Variants in PPOX observed in about 807,000 individuals in gnomAD.
PPOX encodes the protein protoporphyrinogen oxidase, also known as variegate porphyria.
PPOX carries 23 observed loss-of-function variants against 54.1 expected under a neutral mutation model. The observed-to-expected ratio is 0.43, with a 90% CI of 0.31 to 0.60. The LOEUF (loss-of-function observed/expected upper bound fraction) is 0.60. Ranked by LOEUF, PPOX falls within the 20% of genes least tolerant of loss-of-function variation. The pLI, the probability that PPOX is intolerant of heterozygous loss-of-function variation, is 0.13. For missense variants in PPOX, 512 were observed against 601.1 expected, an observed-to-expected ratio of 0.85 and a Z score of 1.55; for synonymous variants, 224 against 236.1, an observed-to-expected ratio of 0.95 and a Z score of 0.47.
chr1:161,173,251 G>C (rs768745553), downstream of PPOX, among the ~76,000 whole-genome samples: 5 of 152,216 alleles, frequency 3.3e-5, no homozygotes, highest in Non-Finnish European at 7.3e-5. Context: ...TGGGAACATG[G>C]AGCAGAGCCC....
At chr1:161,175,344 G>T, downstream of PPOX, 1 of 903,180 alleles carries the variant, frequency 1.1e-6, no homozygotes, top group Non-Finnish European at 1.7e-6. Flanking sequence ...AGTTCTCAGG[G>T]CTCACTCAGA....
chr1:161,175,215 C>T (rs3813620), downstream of PPOX: 133,166 of 1,611,778 alleles, frequency 0.083, 5,846 homozygotes, highest in South Asian at 0.14. Flanking sequence ...TAAAGGACAC[C>T]GACACAGGAC....
At position 161,171,125 on chromosome 1, in the gene PPOX, G is replaced by A. The variant is rs1412642548; in HGVS notation, c.1383G>A (p.Glu461=). ...GAGTTGCTGTTAATGACTGTATAGAGAGTGGGCGCCAGGCAGCAGTCAGTG... is the reference window on the plus strand; with the variant it reads ...GAGTTGCTGTTAATGACTGTATAGAAAGTGGGCGCCAGGCAGCAGTCAGTG... ...YEGVAVNDCI[E]SGRQAAVSVL... The change falls in exon 13 of 13, where the codon GAG becomes GAA. Residue 461 remains glutamate (E), a synonymous_variant. Coordinates refer to ENST00000367999, the MANE Select transcript of PPOX (RefSeq NM_001122764.3). 1 of 1,613,868 alleles carries A rather than the reference G, an allele frequency of 6.2e-7. No homozygotes were observed. The highest frequency in any genetic ancestry group is 8.5e-7 in the Non-Finnish European group (1 of 1,180,042).
At chr1:161,176,405 CA>C (rs1571534893) in intron 4 of PPOX, 1 of 412,038 alleles carries the variant, frequency 2.4e-6, no homozygotes, top group East Asian at 4.6e-5. Context: ...CCCCCTCTTC[CA>C]ATTTTAGAAG....
upstream of PPOX, chr1:161,166,091 G>C (rs1287122255): frequency 6.6e-5 from 65 of 985,170 alleles, no homozygotes; most frequent in Non-Finnish European, 7.5e-5. Context: ...CCCGTGGACT[G>C]GCCTTAAGTG....
chr1:161,166,928 C>A lies in PPOX; in HGVS notation c.81C>A (p.Pro27=), dbSNP rs150550095. Residue 27 remains proline (P), a synonymous_variant, in exon 2 of 13, where the codon CCC becomes CCA. Coordinates refer to ENST00000367999, the MANE Select transcript of PPOX (RefSeq NM_001122764.3). ...ACCACCTGAGCCGGGCCCCCTGCCC[C>A]CCTAAGGTGAGTGCTCCACTTGTGC... The part of the protein sequence containing the change: ...ASYHLSRAPC[P]PKVVLVESSE... The A allele has an allele frequency of 5.5e-5, 89 of 1,613,858 alleles. No individual in the cohort carries two copies. In the Middle Eastern group the frequency reaches 1.2e-3, roughly 21 times the overall value.
chr1:161,166,895 C>G lies in PPOX; in HGVS notation c.48C>G (p.Ala16=). The G allele has an allele frequency of 6.2e-7, 1 of 1,613,742 alleles. No individual in the cohort carries two copies. The highest frequency in any genetic ancestry group is 8.5e-7 in the Non-Finnish European group (1 of 1,180,016). The change falls in exon 2 of 13, where the codon GCC becomes GCG. Residue 16 remains alanine (A), a synonymous_variant. Coordinates refer to ENST00000367999, the MANE Select transcript of PPOX (RefSeq NM_001122764.3). ...VVLGGGISGL[A]ASYHLSRAPC... ...TGGGCGGAGGCATCAGCGGCTTGGC[C>G]GCCAGTTACCACCTGAGCCGGGCCC...
Position 161,168,470 on chromosome 1 carries a change from G to A in PPOX, c.510G>A (p.Val170=). The A allele has an allele frequency of 6.2e-7, 1 of 1,614,184 alleles. No individual in the cohort carries two copies. The highest frequency in any genetic ancestry group is 8.5e-7 in the Non-Finnish European group (1 of 1,180,038). The change falls in exon 6 of 13, where the codon GTG becomes GTA. Residue 170 remains valine, a synonymous_variant. Coordinates refer to ENST00000367999, the MANE Select transcript of PPOX (RefSeq NM_001122764.3). ...SLAMDSLCRG[V]FAGNSRELSI... ...CCATGGACAGTCTCTGCCGTGGAGTGTTTGCAGGCAACAGCCGTGAGCTCA... is the reference window on the plus strand; with the variant it reads ...CCATGGACAGTCTCTGCCGTGGAGTATTTGCAGGCAACAGCCGTGAGCTCA...
rs1389055391 is a variant in PPOX at position 161,171,051 on chromosome 1, C to T, written c.1309C>T (p.Leu437=). 6.2e-7 allele frequency: 1 copy of T among 1,614,186 alleles called. No homozygotes were observed. The highest frequency in any genetic ancestry group is 1.3e-5 in the African/African-American group (1 of 75,042). ...CCTTCCAGAGTCAGCTAGGCAATTC[C>T]TGACTGCTCACAGGTTGCCCCTGAC... ...WQKLESARQF[L]TAHRLPLTLA... is the part of the protein sequence containing the mutation. Residue 437 remains leucine (L), a synonymous_variant, in exon 13 of 13, where the codon CTG becomes TTG. Transcript: ENST00000367999.
At chr1:161,171,476 G>A (rs76323232), downstream of PPOX, 539 of 589,314 alleles carry the variant, frequency 9.1e-4, 1 homozygote, top group South Asian at 4.6e-3. Context: ...ACAGAGGTCC[G>A]AGGAGAAGCC....
At chr1:161,167,749 G>C (rs1447858326) in intron 4 of PPOX, 4 of 695,772 alleles carry the variant, frequency 5.7e-6, no homozygotes, top group Non-Finnish European at 9.3e-6. Context: ...ATTTTTAGTA[G>C]AGATGGGGTT....
upstream of PPOX, chr1:161,166,297 C>G (rs1558015315): frequency 9.8e-7 from 1 of 1,022,520 alleles, no homozygotes; most frequent in East Asian, 8.4e-5. Context: ...ACCTCCAGCT[C>G]TTACAGCTGC....
chr1:161,175,245 G>T, downstream of PPOX: 1 of 1,602,144 alleles, frequency 6.2e-7, no homozygotes, highest in Non-Finnish European at 8.5e-7. Flanking sequence ...GGAAGGAATG[G>T]CAAGTAGAGG....
At chr1:161,177,250 C>T (rs923859414), downstream of PPOX, 2 of 638,730 alleles carry the variant, frequency 3.1e-6, no homozygotes, top group African/African-American at 1.8e-5. Context: ...CAGTCTCTTG[C>T]TTTTGCCCTA....
chr1:161,177,269 C>G (rs1247555882), downstream of PPOX: 2 of 594,944 alleles, frequency 3.4e-6, no homozygotes, highest in Admixed American at 3.0e-5. Flanking sequence ...TACCTACTAG[C>G]AACGTGAGCC....
downstream of PPOX, chr1:161,175,117 C>G (rs758094598): frequency 6.2e-7 from 1 of 1,613,870 alleles, no homozygotes; most frequent in Admixed American, 1.7e-5. Context: ...TGTTCGGGAG[C>G]GGGGCTCACA....
chr1:161,172,595 C>A (rs1259430985), downstream of PPOX, among the ~76,000 whole-genome samples: 1 of 152,116 alleles, frequency 6.6e-6, no homozygotes, highest in Non-Finnish European at 1.5e-5. Flanking sequence ...CTAAAGGGCT[C>A]CTAGGAGCTG....
At chr1:161,171,425 AC>A (rs1025382633), downstream of PPOX, 2 of 641,292 alleles carry the variant, frequency 3.1e-6, no homozygotes, top group African/African-American at 3.7e-5. Context: ...GGCTTCCTTC[AC>A]CAAACAACTT....
Position 161,166,929 on chromosome 1 carries a change from C to T in PPOX, c.82C>T (p.Pro28Ser), listed in dbSNP as rs758987522. 8.7e-6 allele frequency: 14 copies of T among 1,613,994 alleles called. No individual in the cohort carries two copies. The highest frequency in any genetic ancestry group is 1.1e-5 in the Non-Finnish European group (13 of 1,180,014). Residue 28 changes from proline (P) to serine (S), a missense_variant, in exon 2 of 13, where the codon CCT becomes TCT. Transcript: ENST00000367999. ...CCACCTGAGCCGGGCCCCCTGCCCCCCTAAGGTGAGTGCTCCACTTGTGCC... is the reference window on the plus strand; with the variant it reads ...CCACCTGAGCCGGGCCCCCTGCCCCTCTAAGGTGAGTGCTCCACTTGTGCC... ...SYHLSRAPCP[P>S]KVVLVESSER... is the part of the protein sequence containing the mutation.
Sources: gnomAD v4.1 joint callset for allele counts (sites outside exome capture counted in the v4.1 genomes callset) on GRCh38, gnomAD v4.1.1 for gene constraint, MANE v1.5 for transcripts, NCBI Gene and HGNC (gene_info 2026-07-23, HGNC 2026-07-21) for gene names.